THADA: variants seen among roughly 807,000 people sequenced by gnomAD.
The protein encoded by THADA is tRNA (32-2'-O)-methyltransferase regulator THADA.
THADA carries 213 observed loss-of-function variants against 219.8 expected under a neutral mutation model. That is an observed-to-expected ratio of 0.97 (90% CI 0.87 to 1.09). The LOEUF is 1.09. Among genes scored for constraint, THADA ranks in the 50% least tolerant of loss-of-function variants. The pLI is 0.00. For missense variants in THADA, 2,956 were observed against 2,311.3 expected, an observed-to-expected ratio of 1.28 and a Z score of -5.72; for synonymous variants, 1,018 against 828.9, an observed-to-expected ratio of 1.23 and a Z score of -3.92.
chr2:43,453,310 TC>T (rs1277467175), intron 26 of THADA, among the ~76,000 whole-genome samples: 4 of 152,206 alleles, frequency 2.6e-5, no homozygotes, highest in African/African-American at 4.8e-5. Context: ...GAATTAGTCT[TC>T]CTTCTGAAGA....
intron 36 of THADA, among the ~76,000 whole-genome samples, chr2:43,256,604 A>C (rs1270832894): frequency 6.8e-6 from 1 of 146,420 alleles, no homozygotes; most frequent in Non-Finnish European, 1.5e-5. Context: ...TAAATAAATA[A>C]ATAAATAATT....
At chr2:43,375,395 C>A (rs1025156901) in intron 29 of THADA, among the ~76,000 whole-genome samples, 1 of 152,152 alleles carries the variant, frequency 6.6e-6, no homozygotes, top group Admixed American at 6.6e-5. Context: ...AAACTGTATA[C>A]CAAGTAGGAA....
chr2:43,287,185 G>T, intron 34 of THADA, 124 bp from the exon 35 acceptor site: 2 of 819,340 alleles, frequency 2.4e-6, no homozygotes, highest in Non-Finnish European at 3.7e-6. Flanking sequence ...GAAGAAAGTT[G>T]TTTTTTAGTT....
At chr2:43,347,793 G>T (rs1021743553) in intron 29 of THADA, among the ~76,000 whole-genome samples, 2 of 152,198 alleles carry the variant, frequency 1.3e-5, no homozygotes, top group African/African-American at 4.8e-5. Flanking sequence ...TGTGCGCAGA[G>T]AACAGCCAGG....
At chr2:43,287,787 T>A (rs1031678752) in intron 34 of THADA, among the ~76,000 whole-genome samples, 1 of 152,192 alleles carries the variant, frequency 6.6e-6, no homozygotes, top group South Asian at 2.1e-4. Context: ...AGCTAGAGAC[T>A]ACATGTCCCA....
In THADA at chr2:43,527,941, C is replaced by T. The variant is rs1693369213; in HGVS notation, c.3312G>A (p.Arg1104=). The part of the protein sequence containing the change: ...DYFKQHLLQS[R]HRGAFELAYT... ...AAGCCAATTCAAATGCTCCTCTGTGCCTGGACTGCAAAAGGTGTTGTTTAA... is the reference window on the plus strand; with the variant it reads ...AAGCCAATTCAAATGCTCCTCTGTGTCTGGACTGCAAAAGGTGTTGTTTAA... Residue 1104 remains arginine (R), a synonymous_variant, in exon 22 of 38, where the codon AGG becomes AGA. Transcript: ENST00000405975. 6.2e-7 allele frequency: 1 copy of T among 1,613,596 alleles called. No individual in the cohort carries two copies. Among genetic ancestry groups the T allele is most frequent in the Non-Finnish European group, 8.5e-7 (1 of 1,179,740 alleles).
intron 25 of THADA, among the ~76,000 whole-genome samples, chr2:43,490,754 T>C (rs1687528933): frequency 1.3e-5 from 2 of 152,302 alleles, no homozygotes; most frequent in South Asian, 4.1e-4. Flanking sequence ...TCTTATGATA[T>C]CTAATTTATA....
chr2:43,385,686 A>G (rs1038289669), intron 29 of THADA, among the ~76,000 whole-genome samples: 1 of 151,830 alleles, frequency 6.6e-6, no homozygotes, highest in Non-Finnish European at 1.5e-5. Flanking sequence ...ATTTACATGT[A>G]AAACTCATCT....
chr2:43,578,136 T>G (rs1270483666), intron 9 of THADA, among the ~76,000 whole-genome samples: 1 of 151,874 alleles, frequency 6.6e-6, no homozygotes, highest in Non-Finnish European at 1.5e-5. Context: ...TTAATTCACT[T>G]CTTTAAAAAT....
chr2:43,395,146 C>G (rs1673871686), intron 29 of THADA, among the ~76,000 whole-genome samples: 1 of 152,190 alleles, frequency 6.6e-6, no homozygotes, highest in South Asian at 2.1e-4. Context: ...CAAGAAGCAA[C>G]TCCAACCAAA....
chr2:43,511,993 T>C (rs1410876240), intron 22 of THADA, among the ~76,000 whole-genome samples: 1 of 152,218 alleles, frequency 6.6e-6, no homozygotes, highest in Non-Finnish European at 1.5e-5. Flanking sequence ...ACTTGGCTAG[T>C]ATAACTGTAA....
intron 36 of THADA, among the ~76,000 whole-genome samples, chr2:43,278,826 G>A (rs1673017735): frequency 6.6e-6 from 1 of 152,154 alleles, no homozygotes; most frequent in African/African-American, 2.4e-5. Context: ...CTGATGAGGG[G>A]CCTTGCATCA....
Position 43,475,204 on chromosome 2 carries a change from C to G in THADA, c.3836+10030G>C, listed in dbSNP as rs1020099588. On this transcript the variant is annotated intron_variant, in intron 26 of 37. Transcript: ENST00000405975. ...GGCTGAGGTGGGTGGATCACTTGAG[C>G]TCAGGAATTTGAGACCAGCCTGGGC... Among the ~76,000 whole-genome samples the G allele has an allele frequency of 2.0e-5, 3 of 152,074 alleles. No individual in the cohort carries two copies. In the East Asian group the frequency reaches 5.8e-4, roughly 29 times the overall value.
intron 22 of THADA, among the ~76,000 whole-genome samples, chr2:43,516,662 G>A (rs759621588): frequency 3.9e-5 from 6 of 152,122 alleles, no homozygotes; most frequent in African/African-American, 1.2e-4. Flanking sequence ...TAGCAAGTAC[G>A]TGGCAGAGGG....
chr2:43,251,880 C>A (rs1669838245), intron 36 of THADA, among the ~76,000 whole-genome samples: 1 of 152,216 alleles, frequency 6.6e-6, no homozygotes, highest in Non-Finnish European at 1.5e-5. Context: ...TAAAATCTGT[C>A]ATATTGTGAG....
chr2:43,404,084 C>A (rs1346451072), intron 28 of THADA, among the ~76,000 whole-genome samples: 5 of 152,358 alleles, frequency 3.3e-5, no homozygotes, highest in Admixed American at 2.0e-4. Context: ...TGCCTTTGCA[C>A]ATTTCAGTTC....
intron 30 of THADA, among the ~76,000 whole-genome samples, chr2:43,323,744 A>C (rs1173169449): frequency 6.6e-6 from 1 of 152,146 alleles, no homozygotes. Flanking sequence ...CCAACCAACC[A>C]ACCAACCCAC....
In THADA at chr2:43,443,811, T is replaced by C. The variant is rs532776156; in HGVS notation, c.3837-13509A>G. On this transcript the variant is annotated intron_variant, in intron 26 of 37. Coordinates refer to ENST00000405975, the MANE Select transcript of THADA (RefSeq NM_022065.5). ...GGTAAGGATATGCAGGCACAACTGA[T>C]GAGAGGCCCTTGGGGAAACACAGAA... Among the ~76,000 whole-genome samples the C allele has an allele frequency of 8.5e-5, 13 of 152,316 alleles. No homozygotes were observed. In the East Asian group the frequency reaches 2.5e-3, roughly 29 times the overall value.
chr2:43,425,700 C>T (rs1355601315), intron 28 of THADA, among the ~76,000 whole-genome samples: 1 of 152,148 alleles, frequency 6.6e-6, no homozygotes, highest in East Asian at 1.9e-4. Flanking sequence ...CATGGACAGT[C>T]AATAAGTCAG....
Sources: allele counts gnomAD v4.1 joint callset (sites outside exome capture counted in the v4.1 genomes callset), GRCh38; gene constraint gnomAD v4.1.1; transcripts MANE v1.5; gene names NCBI Gene and HGNC (gene_info 2026-07-23, HGNC 2026-07-21).